CLCN4: variants seen among roughly 807,000 people sequenced by gnomAD.
CLCN4 encodes Cl-/H+ antiporter 4.
In CLCN4, 1 loss-of-function variant was observed where a neutral mutation model predicts 41.7. That is an observed-to-expected ratio of 0.02 (90% confidence interval 0.01 to 0.11). CLCN4 has a LOEUF of 0.11. CLCN4 is among the 10% of genes least tolerant of loss of function. The pLI, the probability that CLCN4 is intolerant of heterozygous loss-of-function variation, is 1.00. For synonymous variants in CLCN4, 277 were observed against 285.8 expected (o/e 0.97, Z 0.31); for missense variants, 287 against 661.0 (o/e 0.43, Z 6.20).
chrX:10,174,954 C>T (rs768833067), intron 2 of CLCN4, among the ~76,000 whole-genome samples: 17 of 112,194 alleles, frequency 1.5e-4, no homozygotes, highest in Admixed American at 1.3e-3. Context: ...TACTTCTGCC[C>T]GTTTTTGAAC....
chrX:10,212,428 C>T (rs1359934896), intron 9 of CLCN4, 39 bp from the exon 10 acceptor site: 2 of 1,179,672 alleles, frequency 1.7e-6, no homozygotes, highest in Non-Finnish European at 2.3e-6. Context: ...GGGACTTGGT[C>T]TTTTTCCCTC....
chrX:10,236,691 G>A lies in CLCN4; in HGVS notation c.*3107G>A, dbSNP rs1303923667. The A allele has an allele frequency of 9.0e-6, 1 of 111,314 alleles. No homozygotes were observed. Among genetic ancestry groups the A allele is most frequent in the African/African-American group, 3.3e-5 (1 of 30,581 alleles). 9.2% of individuals were successfully genotyped at this position (111,314 alleles called of 1,213,427 possible). A position where few individuals can be genotyped will look rare whatever the true frequency, so the allele number is the denominator to read the frequency against. ...GTGATCTGATGAACAGCATGGGGAC[G>A]TGGAGGTGAAATAAGCATCTTTCAG... On this transcript the variant is annotated 3_prime_UTR_variant, in exon 13 of 13. Transcript: ENST00000380833.
At chrX:10,205,484 AAAAAAAG>A (rs1404269717) in intron 6 of CLCN4, among the ~76,000 whole-genome samples, 206 of 107,608 alleles carry the variant, frequency 1.9e-3, no homozygotes, top group African/African-American at 6.7e-3. Context: ...AAAAAAAAAA[AAAAAAAG>A]AAAAAGAAAC....
intron 6 of CLCN4, among the ~76,000 whole-genome samples, chrX:10,205,489 AAG>A (rs1555975970): frequency 1.0e-5 from 1 of 100,326 alleles, no homozygotes; most frequent in Non-Finnish European, 1.9e-5. Context: ...AAAAAAAAAA[AAG>A]AAAAAGAAAC....
chrX:10,206,806 A>AT, intron 8 of CLCN4, 30 bp downstream of exon 8: 1 of 1,079,514 alleles, frequency 9.3e-7, no homozygotes, highest in Non-Finnish European at 1.3e-6. Flanking sequence ...GGAATTCGTG[A>AT]TTTTGAGCAG....
intron 4 of CLCN4, among the ~76,000 whole-genome samples, chrX:10,192,488 A>G (rs368846363): frequency 6.3e-5 from 7 of 111,324 alleles, no homozygotes; most frequent in African/African-American, 2.3e-4. Context: ...GAGATGGTGC[A>G]GGTAGGAGAG....
At chrX:10,180,584 A>G (rs1212492715) in intron 2 of CLCN4, among the ~76,000 whole-genome samples, 1 of 109,646 alleles carries the variant, frequency 9.1e-6, no homozygotes, top group Non-Finnish European at 1.9e-5. Context: ...CCTGACCAAC[A>G]TGGAGAAACA....
intron 9 of CLCN4, 51 bp from the exon 10 acceptor site, chrX:10,212,416 C>T (rs371560278): frequency 5.9e-5 from 67 of 1,131,070 alleles, no homozygotes; most frequent in Non-Finnish European, 7.5e-5. Context: ...GGTCGTGAAG[C>T]GGGGACTTGG....
chrX:10,232,579 C>T (rs1410598191), intron 12 of CLCN4, among the ~76,000 whole-genome samples: 1 of 111,771 alleles, frequency 8.9e-6, no homozygotes, highest in Non-Finnish European at 1.9e-5. Flanking sequence ...TTCTTTTTTT[C>T]CAAAGAAGTT....
At chrX:10,217,187 A>ACCT (rs1924747445) in intron 11 of CLCN4, among the ~76,000 whole-genome samples, 4 of 108,998 alleles carry the variant, frequency 3.7e-5, no homozygotes, top group South Asian at 4.0e-4. Flanking sequence ...TGCAGCCTCT[A>ACCT]CCCACTGGGC....
intron 2 of CLCN4, among the ~76,000 whole-genome samples, chrX:10,176,042 G>A (rs1242967189): frequency 9.3e-6 from 1 of 108,103 alleles, no homozygotes; most frequent in Non-Finnish European, 1.9e-5. Flanking sequence ...AAATGTTGAT[G>A]GTGACATCCT....
intron 12 of CLCN4, among the ~76,000 whole-genome samples, chrX:10,225,979 C>T (rs1242594675): frequency 9.0e-6 from 1 of 111,396 alleles, no homozygotes; most frequent in Non-Finnish European, 1.9e-5. Context: ...GATACTGTGG[C>T]CATGTAGTAT....
At chrX:10,172,766 C>T (rs1488946030) in intron 2 of CLCN4, among the ~76,000 whole-genome samples, 1 of 111,328 alleles carries the variant, frequency 9.0e-6, no homozygotes, top group Non-Finnish European at 1.9e-5. Flanking sequence ...TCTAATCTTT[C>T]AGTTCTGAGC....
chrX:10,161,227 G>T (rs1377384078), intron 2 of CLCN4, among the ~76,000 whole-genome samples: 2 of 108,981 alleles, frequency 1.8e-5, no homozygotes, highest in Non-Finnish European at 3.8e-5. Context: ...AAGCCCTGGT[G>T]GGGGAGGTTG....
chrX:10,220,957 G>A, intron 12 of CLCN4, 80 bp downstream of exon 12: 1 of 827,960 alleles, frequency 1.2e-6, no homozygotes, highest in Non-Finnish European at 1.8e-6. Context: ...GAAGAATGTG[G>A]AGGGCCATGG....
intron 3 of CLCN4, 151 bp from the exon 4 acceptor site, chrX:10,187,364 A>G: frequency 1.1e-5 from 5 of 463,380 alleles, no homozygotes; most frequent in Non-Finnish European, 1.9e-5. Context: ...GCGGCACATA[A>G]CTGAAAGAAT....
chrX:10,213,922 G>A lies in CLCN4; in HGVS notation c.1818G>A (p.Glu606=). 1 of 1,211,122 alleles carries A rather than the reference G, an allele frequency of 8.3e-7. No homozygotes were observed. The highest frequency in any genetic ancestry group is 1.1e-6 in the Non-Finnish European group (1 of 895,352). The change falls in exon 11 of 13, where the codon GAG becomes GAA. Residue 606 remains glutamate, a synonymous_variant. Transcript: ENST00000380833. Reference sequence around the variant, plus strand: ...ACGTCATGCGGCCCCGGCGGGGAGAGCCGCCACTGTCGGTGCTCACCCAGG... The same window carrying A: ...ACGTCATGCGGCCCCGGCGGGGAGAACCGCCACTGTCGGTGCTCACCCAGG... The part of the protein sequence containing the change: ...ATDVMRPRRG[E]PPLSVLTQDS...
chrX:10,163,074 G>A (rs925495378), intron 2 of CLCN4, among the ~76,000 whole-genome samples: 2 of 113,711 alleles, frequency 1.8e-5, no homozygotes, highest in African/African-American at 6.4e-5. Flanking sequence ...AGGTCTGGGG[G>A]TGAAGCCCAG....
intron 1 of CLCN4, 104 bp downstream of exon 1, chrX:10,157,204 C>T (rs753119887): frequency 1.8e-5 from 5 of 281,646 alleles, no homozygotes; most frequent in African/African-American, 1.4e-4. Context: ...AATAATTGAT[C>T]GCTGTGAGAG....
Sources: allele counts gnomAD v4.1 joint callset (sites outside exome capture counted in the v4.1 genomes callset), GRCh38; gene constraint gnomAD v4.1.1; transcripts MANE v1.5; gene names NCBI Gene and HGNC (gene_info 2026-07-23, HGNC 2026-07-21).